The following RALA variants were observed in gnomAD, a reference collection of about 807,000 sequenced individuals.
RALA encodes the protein RAS like proto-oncogene A.
In RALA, 5 loss-of-function variants were observed where a neutral mutation model predicts 24.0. That is an observed-to-expected ratio of 0.21 (90% confidence interval 0.11 to 0.44). The LOEUF is 0.44. Among genes scored for constraint, RALA ranks in the 20% least tolerant of loss-of-function variants. The pLI is 0.99. For synonymous variants in RALA, 77 were observed against 83.8 expected (o/e 0.92, Z 0.44); for missense variants, 95 against 241.2 (o/e 0.39, Z 4.01).
chr7:39,672,485 A>T (rs1367990918), intron 1 of RALA, among the ~76,000 whole-genome samples: 1 of 152,212 alleles, frequency 6.6e-6, no homozygotes, highest in Non-Finnish European at 1.5e-5. Flanking sequence ...ATTTAATCAC[A>T]CACCATACAA....
chr7:39,657,343 A>G (rs1273195353), intron 1 of RALA, among the ~76,000 whole-genome samples: 8 of 152,124 alleles, frequency 5.3e-5, no homozygotes, highest in Non-Finnish European at 1.2e-4. Context: ...TTATTTCCTC[A>G]TATAAAAAAT....
chr7:39,638,025 ATAT>A (rs1791713491), intron 1 of RALA, among the ~76,000 whole-genome samples: 1 of 152,162 alleles, frequency 6.6e-6, no homozygotes, highest in Non-Finnish European at 1.5e-5. Context: ...ACATCCTCTA[ATAT>A]CTAACCCAGA....
At chr7:39,697,690 A>G (rs1020590315) in intron 4 of RALA, among the ~76,000 whole-genome samples, 1 of 152,202 alleles carries the variant, frequency 6.6e-6, no homozygotes, top group African/African-American at 2.4e-5. Context: ...AATGGGGCCT[A>G]AGAATTTATG....
chr7:39,706,916 C>T lies in RALA; in HGVS notation c.*671C>T, dbSNP rs1172511625. On this transcript the variant is annotated 3_prime_UTR_variant, in exon 5 of 5. Coordinates refer to ENST00000005257, the MANE Select transcript of RALA (RefSeq NM_005402.4). The stretch of plus-strand genomic sequence containing the variant: ...CTTACTGACACCAGGGGTCCGCTGC[C>T]CCATGTGTCCTGGTGAGAAAATATA... 6.6e-6 allele frequency: 1 copy of T among 152,438 alleles called. No individual in the cohort carries two copies. Among genetic ancestry groups the T allele is most frequent in the Non-Finnish European group, 1.5e-5 (1 of 68,030 alleles). The allele number at this position is 152,438 out of a possible 1,614,324, so 9.4% of individuals were successfully genotyped here.
chr7:39,682,266 T>C (rs1792616931), intron 1 of RALA, among the ~76,000 whole-genome samples: 1 of 152,220 alleles, frequency 6.6e-6, no homozygotes, highest in African/African-American at 2.4e-5. Flanking sequence ...GTCCTCAGTA[T>C]AGGTGGTATT....
intron 3 of RALA, among the ~76,000 whole-genome samples, chr7:39,692,439 T>A (rs1368809171): frequency 6.6e-6 from 1 of 152,232 alleles, no homozygotes; most frequent in African/African-American, 2.4e-5. Flanking sequence ...TACTTTCCTA[T>A]GTCAAAAATG....
At chr7:39,631,060 T>G (rs1177804568) in intron 1 of RALA, among the ~76,000 whole-genome samples, 2 of 151,290 alleles carry the variant, frequency 1.3e-5, no homozygotes, top group Non-Finnish European at 2.9e-5. Flanking sequence ...CAGGCTGGAG[T>G]GCAGTGGTGC....
At chr7:39,679,169 T>C (rs1006575404) in intron 1 of RALA, among the ~76,000 whole-genome samples, 2 of 152,170 alleles carry the variant, frequency 1.3e-5, no homozygotes, top group African/African-American at 4.8e-5. Context: ...TTATTCCATG[T>C]ATCAGATTTA....
chr7:39,653,619 T>C (rs1583718912), intron 1 of RALA, among the ~76,000 whole-genome samples: 1 of 152,188 alleles, frequency 6.6e-6, no homozygotes, highest in East Asian at 1.9e-4. Flanking sequence ...TTAGAATTTA[T>C]TTATTTAGAA....
At chr7:39,702,463 C>T (rs1240586350) in intron 4 of RALA, among the ~76,000 whole-genome samples, 1 of 152,186 alleles carries the variant, frequency 6.6e-6, no homozygotes, top group East Asian at 1.9e-4. Flanking sequence ...TACAGCTCTT[C>T]CATGTCACTG....
intron 4 of RALA, among the ~76,000 whole-genome samples, chr7:39,697,110 T>C (rs1243446898): frequency 1.3e-5 from 2 of 152,150 alleles, no homozygotes; most frequent in African/African-American, 4.8e-5. Flanking sequence ...ACTGATGGCA[T>C]TCCTGACTTT....
intron 1 of RALA, among the ~76,000 whole-genome samples, chr7:39,683,084 C>G: frequency 6.6e-6 from 1 of 152,132 alleles, no homozygotes; most frequent in East Asian, 1.9e-4. Flanking sequence ...TGCCCACTTG[C>G]CATGTGATGC....
At chr7:39,653,605 T>A (rs1008364430) in intron 1 of RALA, among the ~76,000 whole-genome samples, 1 of 152,142 alleles carries the variant, frequency 6.6e-6, no homozygotes, top group Admixed American at 6.5e-5. Context: ...TTAGAATAAT[T>A]TATTTAGAAT....
intron 1 of RALA, among the ~76,000 whole-genome samples, chr7:39,639,257 A>T (rs1791738540): frequency 1.3e-5 from 2 of 152,250 alleles, no homozygotes; most frequent in Non-Finnish European, 2.9e-5. Flanking sequence ...TTTCAGAAAG[A>T]TTGATACAAA....
At chr7:39,658,439 A>G (rs902366129) in intron 1 of RALA, among the ~76,000 whole-genome samples, 1 of 152,190 alleles carries the variant, frequency 6.6e-6, no homozygotes, top group Non-Finnish European at 1.5e-5. Flanking sequence ...GCCACTTTCT[A>G]TTAGATAAAC....
chr7:39,633,466 C>T (rs1325523337), intron 1 of RALA, among the ~76,000 whole-genome samples: 1 of 152,088 alleles, frequency 6.6e-6, no homozygotes, highest in Non-Finnish European at 1.5e-5. Flanking sequence ...GGAAAAACTG[C>T]CTTATAAAAC....
chr7:39,671,612 G>A (rs1406454165), intron 1 of RALA, among the ~76,000 whole-genome samples: 4 of 151,982 alleles, frequency 2.6e-5, no homozygotes, highest in African/African-American at 7.2e-5. Context: ...GATAAAACTC[G>A]ACCCTTCATT....
chr7:39,690,272 A>G, intron 2 of RALA, 110 bp from the exon 3 acceptor site: 1 of 865,428 alleles, frequency 1.2e-6, no homozygotes, highest in African/African-American at 1.7e-5. Context: ...CAAAGGGTAT[A>G]CAGAACTCTT....
intron 1 of RALA, among the ~76,000 whole-genome samples, chr7:39,626,829 G>A (rs946012338): frequency 6.6e-6 from 1 of 152,170 alleles, no homozygotes; most frequent in African/African-American, 2.4e-5. Flanking sequence ...TGGGGGAGAA[G>A]CTATGGGGGA....
Sources: gnomAD v4.1 joint callset for allele counts (sites outside exome capture counted in the v4.1 genomes callset) on GRCh38, gnomAD v4.1.1 for gene constraint, MANE v1.5 for transcripts, NCBI Gene and HGNC (gene_info 2026-07-23, HGNC 2026-07-21) for gene names.